The following NRG1 variants were observed in gnomAD, a reference collection of about 807,000 sequenced individuals.
NRG1 encodes neuregulin 1, also known as pro-neuregulin-1, membrane-bound isoform.
A neutral mutation model predicts 63.8 loss-of-function variants in NRG1; 18 were observed. The observed-to-expected ratio is 0.28, with a 90% CI of 0.19 to 0.42. NRG1 has a LOEUF of 0.42. Ranked by LOEUF, NRG1 falls within the 10% of genes least tolerant of loss-of-function variation. The pLI is 1.00. For synonymous variants in NRG1, 302 were observed against 301.3 expected (o/e 1.00, Z -0.02); for missense variants, 762 against 814.7 (o/e 0.94, Z 0.79).
At chr8:32,293,563 G>A (rs1035989540) in intron 1 of NRG1, among the ~76,000 whole-genome samples, 1 of 152,072 alleles carries the variant, frequency 6.6e-6, no homozygotes, top group South Asian at 2.1e-4. Flanking sequence ...AATGATTTCT[G>A]AGAAAATAAA....
chr8:32,276,977 C>T (rs997111428), intron 1 of NRG1, among the ~76,000 whole-genome samples: 6 of 152,138 alleles, frequency 3.9e-5, no homozygotes, highest in African/African-American at 1.2e-4. Context: ...TTACCTGTGG[C>T]CTTGCAGAAG....
At chr8:32,468,635 C>G (rs1823368760) in intron 1 of NRG1, among the ~76,000 whole-genome samples, 1 of 151,956 alleles carries the variant, frequency 6.6e-6, no homozygotes, top group Non-Finnish European at 1.5e-5. Context: ...CTGTTCTCCA[C>G]TTATTACTCT....
chr8:31,992,432 G>T (rs1345007409), intron 1 of NRG1, among the ~76,000 whole-genome samples: 2 of 152,042 alleles, frequency 1.3e-5, no homozygotes, highest in East Asian at 3.9e-4. Context: ...TCCTAGACAG[G>T]GGAGGGAATG....
At chr8:32,098,964 A>G (rs1001484212) in intron 1 of NRG1, among the ~76,000 whole-genome samples, 4 of 152,174 alleles carry the variant, frequency 2.6e-5, no homozygotes, top group Non-Finnish European at 4.4e-5. Context: ...TTAAATATAC[A>G]ATTGTTGTCA....
At chr8:32,461,371 G>T (rs1822283538) in intron 1 of NRG1, among the ~76,000 whole-genome samples, 1 of 152,094 alleles carries the variant, frequency 6.6e-6, no homozygotes, top group African/African-American at 2.4e-5. Context: ...TGTCTATAAG[G>T]AAAAAGTTTG....
chr8:32,537,302 C>A (rs1258285567), intron 1 of NRG1, among the ~76,000 whole-genome samples: 1 of 151,744 alleles, frequency 6.6e-6, no homozygotes, highest in East Asian at 1.9e-4. Flanking sequence ...TCTGCTGCCC[C>A]CCAACTGAGT....
intron 1 of NRG1, among the ~76,000 whole-genome samples, chr8:32,256,067 T>TC (rs1336313114): frequency 2.0e-5 from 3 of 152,230 alleles, no homozygotes; most frequent in Non-Finnish European, 1.5e-5. Flanking sequence ...ATCAGGTCTT[T>TC]ATGTTCTTCT....
intron 1 of NRG1, among the ~76,000 whole-genome samples, chr8:32,294,502 G>A (rs915315253): frequency 3.3e-5 from 5 of 152,236 alleles, no homozygotes; most frequent in South Asian, 4.1e-4. Flanking sequence ...CTTTTTAAAC[G>A]TCTAGATTCC....
intron 1 of NRG1, among the ~76,000 whole-genome samples, chr8:31,865,050 G>A (rs1256385621): frequency 6.6e-6 from 1 of 152,174 alleles, no homozygotes; most frequent in African/African-American, 2.4e-5. Flanking sequence ...TAAGGGCACA[G>A]AGGCTAACGA....
Position 32,251,372 on chromosome 8 carries a change from G to T in NRG1, c.38-344456G>T, listed in dbSNP as rs1027599757. The stretch of plus-strand genomic sequence containing the variant: ...AGCTTTCAGCTTCATCCATGTCCCT[G>T]CAAAGGACACAAACTCAACCTTTTT... On this transcript the variant is annotated intron_variant, in intron 1 of 10. Transcript: ENST00000519301. Among the ~76,000 whole-genome samples, 4 of 128,758 alleles carry T rather than the reference G, an allele frequency of 3.1e-5. No homozygotes were observed. The East Asian group carries it at 8.5e-4, about 27-fold the overall frequency. 84.5% of individuals were successfully genotyped at this position (128,758 alleles called of 152,430 possible).
intron 5 of NRG1, among the ~76,000 whole-genome samples, chr8:32,701,344 C>A (rs1273555036): frequency 1.3e-5 from 2 of 152,090 alleles, no homozygotes; most frequent in African/African-American, 2.4e-5. Context: ...CTGTGACATT[C>A]ATTCCATGTG....
At chr8:32,086,429 A>G (rs1398395556) in intron 1 of NRG1, among the ~76,000 whole-genome samples, 1 of 152,216 alleles carries the variant, frequency 6.6e-6, no homozygotes, top group Non-Finnish European at 1.5e-5. Context: ...GAGCTTGGTG[A>G]AGAATATTCA....
chr8:32,514,151 A>T (rs1477557253), intron 1 of NRG1, among the ~76,000 whole-genome samples: 2 of 152,192 alleles, frequency 1.3e-5, no homozygotes, highest in Non-Finnish European at 2.9e-5. Flanking sequence ...TTTGCCAAGA[A>T]CAAAGAAAAA....
At chr8:32,403,113 A>C (rs1813436949) in intron 1 of NRG1, among the ~76,000 whole-genome samples, 1 of 151,984 alleles carries the variant, frequency 6.6e-6, no homozygotes, top group Non-Finnish European at 1.5e-5. Flanking sequence ...AGCCTGGGCA[A>C]GATGGTGAAA....
At chr8:31,933,501 C>T (rs560842265) in intron 1 of NRG1, among the ~76,000 whole-genome samples, 37 of 152,234 alleles carry the variant, frequency 2.4e-4, no homozygotes, top group Non-Finnish European at 5.0e-4. Context: ...AGGCTGGTCT[C>T]GAACCCCTGA....
intron 1 of NRG1, among the ~76,000 whole-genome samples, chr8:32,069,671 T>C (rs373988060): frequency 7.2e-5 from 11 of 152,266 alleles, no homozygotes; most frequent in African/African-American, 2.6e-4. Context: ...AGGATGCTTG[T>C]GACCCTGAGA....
chr8:32,459,170 A>T (rs1268633640), intron 1 of NRG1, among the ~76,000 whole-genome samples: 1 of 152,156 alleles, frequency 6.6e-6, no homozygotes, highest in African/African-American at 2.4e-5. Context: ...GCTTTTCCCC[A>T]ACCAGCTCTT....
intron 1 of NRG1, among the ~76,000 whole-genome samples, chr8:31,932,440 G>A (rs1834946343): frequency 6.6e-6 from 1 of 152,202 alleles, no homozygotes; most frequent in African/African-American, 2.4e-5. Context: ...GGAGTTGGTT[G>A]AATCCTTCTT....
chr8:32,437,082 C>G (rs1818885399), intron 1 of NRG1, among the ~76,000 whole-genome samples: 1 of 152,072 alleles, frequency 6.6e-6, no homozygotes, highest in Non-Finnish European at 1.5e-5. Context: ...AGATATTTGG[C>G]CCATTTTTAA....
Sources: allele counts gnomAD v4.1 joint callset (sites outside exome capture counted in the v4.1 genomes callset), GRCh38; gene constraint gnomAD v4.1.1; transcripts MANE v1.5; gene names NCBI Gene and HGNC (gene_info 2026-07-23, HGNC 2026-07-21).